The following SACM1L variants were observed in gnomAD, a reference collection of about 807,000 sequenced individuals.
SACM1L encodes phosphatidylinositol-3-phosphatase SAC1.
A neutral mutation model predicts 89.5 loss-of-function variants in SACM1L; 32 were observed. The ratio of observed to expected loss-of-function variants is 0.36; its 90% CI spans 0.27 to 0.48. SACM1L has a LOEUF of 0.48. Among genes scored for constraint, SACM1L ranks in the 20% least tolerant of loss-of-function variants. The probability of loss-of-function intolerance (pLI) is 0.99; values close to 1 mark genes in which losing one functional copy is unlikely to be tolerated. For synonymous variants in SACM1L, 213 were observed against 232.8 expected (o/e 0.92, Z 0.77); for missense variants, 543 against 708.5 (o/e 0.77, Z 2.65).
chr3:45,706,703 TAAAC>T, intron 3 of SACM1L, 73 bp from the exon 4 acceptor site: 1 of 1,289,266 alleles, frequency 7.8e-7, no homozygotes, highest in Admixed American at 2.4e-5. Context: ...CCTTTAAAGT[TAAAC>T]AATAAGGACT....
chr3:45,722,774 T>A (rs1698816743), intron 9 of SACM1L, 95 bp from the exon 10 acceptor site: 1 of 828,570 alleles, frequency 1.2e-6, no homozygotes, highest in Admixed American at 2.6e-5. Context: ...TTTTTTCCCT[T>A]GCATATTCAT....
intron 1 of SACM1L, among the ~76,000 whole-genome samples, chr3:45,697,093 C>T (rs1169703253): frequency 6.6e-6 from 1 of 151,822 alleles, no homozygotes; most frequent in African/African-American, 2.4e-5. Flanking sequence ...TTGTATACCC[C>T]TGTTCATAGC....
intron 4 of SACM1L, chr3:45,707,148 A>G: frequency 3.1e-6 from 1 of 322,656 alleles, no homozygotes; most frequent in Non-Finnish European, 5.7e-6. Context: ...ATATGGAGAG[A>G]AGGGAAAACA....
intron 11 of SACM1L, among the ~76,000 whole-genome samples, chr3:45,730,390 A>G (rs2125701995): frequency 6.6e-6 from 1 of 151,846 alleles, no homozygotes; most frequent in East Asian, 1.9e-4. Flanking sequence ...ATTTTTGCCA[A>G]AACTTTCTTA....
intron 7 of SACM1L, among the ~76,000 whole-genome samples, chr3:45,716,373 G>C (rs1316389895): frequency 6.6e-6 from 1 of 152,188 alleles, no homozygotes; most frequent in Admixed American, 6.5e-5. Context: ...TCAGGAGGCT[G>C]AGTCAGGAGG....
At chr3:45,723,708 A>G (rs545978846) in intron 11 of SACM1L, among the ~76,000 whole-genome samples, 165 bp downstream of exon 11, 1 of 152,208 alleles carries the variant, frequency 6.6e-6, no homozygotes, top group African/African-American at 2.4e-5. Flanking sequence ...ATCATACCAG[A>G]CAGAAACTCT....
intron 3 of SACM1L, 137 bp from the exon 4 acceptor site, chr3:45,706,643 T>G: frequency 1.8e-6 from 1 of 558,736 alleles, no homozygotes; most frequent in Non-Finnish European, 2.9e-6. Context: ...AAGGTTGCTT[T>G]AAAAATGGGC....
intron 7 of SACM1L, among the ~76,000 whole-genome samples, chr3:45,717,440 G>A (rs936664557): frequency 6.6e-6 from 1 of 152,172 alleles, no homozygotes; most frequent in African/African-American, 2.4e-5. Context: ...TAGGAGAATG[G>A]TCTCCATGAA....
intron 4 of SACM1L, among the ~76,000 whole-genome samples, chr3:45,708,226 G>A (rs1202469426): frequency 6.6e-6 from 1 of 152,078 alleles, no homozygotes; most frequent in Non-Finnish European, 1.5e-5. Flanking sequence ...AAGACTGCCT[G>A]TATTCATATT....
rs568085089 is a variant in SACM1L at position 45,724,181 on chromosome 3, A to C, written c.921+638A>C. On this transcript the variant is annotated intron_variant, in intron 11 of 19. Coordinates refer to ENST00000389061, the MANE Select transcript of SACM1L (RefSeq NM_014016.5). ...TAGATCATATGGTGATTCTATGTTT[A>C]ACTCTTTGAGGAACCACCATACTGT... Among the ~76,000 whole-genome samples, 7 of 152,236 alleles carry C rather than the reference A, an allele frequency of 4.6e-5. No homozygotes were observed. In the South Asian group the frequency reaches 1.5e-3, roughly 32 times the overall value.
chr3:45,723,478 G>T lies in SACM1L; in HGVS notation c.856G>T (p.Asp286Tyr). The T allele has an allele frequency of 6.8e-7, 1 of 1,463,822 alleles. No individual in the cohort carries two copies. Among genetic ancestry groups the T allele is most frequent in the Non-Finnish European group, 9.2e-7 (1 of 1,090,298 alleles). 90.7% of individuals were successfully genotyped at this position (1,463,822 alleles called of 1,614,324 possible). The part of the protein sequence containing the change: ...PQISKVANHM[D>Y]GFQRHFDSQV... Reference sequence around the variant, plus strand: ...TATGTAACTTTTTCCTCTCTAGATGGACGGTTTCCAAAGGCATTTTGATTC... The same window carrying T: ...TATGTAACTTTTTCCTCTCTAGATGTACGGTTTCCAAAGGCATTTTGATTC... Residue 286 changes from aspartate to tyrosine, a missense_variant, in exon 11 of 20, where the codon GAC (aspartate) becomes TAC (tyrosine). Transcript: ENST00000389061.
At chr3:45,698,318 C>A (rs1291865903) in intron 1 of SACM1L, among the ~76,000 whole-genome samples, 1 of 152,174 alleles carries the variant, frequency 6.6e-6, no homozygotes, top group African/African-American at 2.4e-5. Context: ...TTCTAATGAG[C>A]ATCCCTAGAA....
chr3:45,715,082 G>A lies in SACM1L; in HGVS notation c.577+1003G>A, dbSNP rs536067188. Among the ~76,000 whole-genome samples, 5 of 152,294 alleles carry A rather than the reference G, an allele frequency of 3.3e-5. No individual in the cohort carries two copies. The South Asian group carries it at 8.3e-4, about 25-fold the overall frequency. ...TAGCTAAGGAGCGATGGGCTATACC[G>A]TGTAGCCTAGGTGTGTAGTAGGCTG... On this transcript the variant is annotated intron_variant, in intron 7 of 19. Transcript: ENST00000389061.
chr3:45,709,961 C>A (rs931039704), intron 5 of SACM1L, among the ~76,000 whole-genome samples: 3 of 152,134 alleles, frequency 2.0e-5, no homozygotes, highest in Non-Finnish European at 4.4e-5. Flanking sequence ...ACCAGGCTAC[C>A]AAGTGCTAAC....
intron 1 of SACM1L, among the ~76,000 whole-genome samples, chr3:45,695,108 G>T (rs889018574): frequency 6.6e-6 from 1 of 152,124 alleles, no homozygotes; most frequent in Non-Finnish European, 1.5e-5. Context: ...ATGAATGGGG[G>T]AGGTAGGAGC....
At chr3:45,730,771 A>G (rs554865551) in intron 11 of SACM1L, 4 of 152,246 alleles carry the variant, frequency 2.6e-5, no homozygotes, top group Non-Finnish European at 4.4e-5. Flanking sequence ...TAGATGGTCT[A>G]TTGTATGTCT....
chr3:45,709,385 G>C (rs1698470698), intron 4 of SACM1L, 113 bp from the exon 5 acceptor site: 1 of 897,724 alleles, frequency 1.1e-6, no homozygotes, highest in Non-Finnish European at 1.7e-6. Flanking sequence ...CTCAGTCCTT[G>C]TGCCAGTAGT....
At position 45,743,714 on chromosome 3, in the gene SACM1L, G is replaced by C; in HGVS notation, c.*45G>C. On this transcript the variant is annotated 3_prime_UTR_variant, in exon 20 of 20. Coordinates refer to ENST00000389061, the MANE Select transcript of SACM1L (RefSeq NM_014016.5). Reference sequence around the variant, plus strand: ...GGCTTGGCTTGGAAGATTCCATTGTGCAGAACTGGAGTCTTTACTGACCCG... The same window carrying C: ...GGCTTGGCTTGGAAGATTCCATTGTCCAGAACTGGAGTCTTTACTGACCCG... 1 of 1,592,198 alleles carries C rather than the reference G, an allele frequency of 6.3e-7. No individual in the cohort carries two copies. Among genetic ancestry groups the C allele is most frequent in the East Asian group, 2.2e-5 (1 of 44,762 alleles).
chr3:45,740,728 T>G (rs1194327906), intron 19 of SACM1L, among the ~76,000 whole-genome samples: 1 of 152,230 alleles, frequency 6.6e-6, no homozygotes, highest in African/African-American at 2.4e-5. Context: ...TCTGTGATTT[T>G]TTTTCAAAAG....
Sources: gnomAD v4.1 joint callset for allele counts (sites outside exome capture counted in the v4.1 genomes callset) on GRCh38, gnomAD v4.1.1 for gene constraint, MANE v1.5 for transcripts, NCBI Gene and HGNC (gene_info 2026-07-23, HGNC 2026-07-21) for gene names.